TTBK2: variants seen among roughly 807,000 people sequenced by gnomAD.
The protein encoded by TTBK2 is tau-tubulin kinase 2.
TTBK2 carries 28 observed loss-of-function variants against 110.8 expected under a neutral mutation model. The observed-to-expected ratio is 0.25, with a 90% confidence interval of 0.19 to 0.35. The LOEUF (loss-of-function observed/expected upper bound fraction) is 0.35, where lower values mean the gene tolerates loss of function less well. Among genes scored for constraint, TTBK2 ranks in the 10% least tolerant of loss-of-function variants. The pLI is 1.00. For missense variants in TTBK2, 1,369 were observed against 1,500.3 expected (o/e 0.91, Z 1.45); for synonymous variants, 532 against 527.3 (o/e 1.01, Z -0.12).
chr15:42,860,176 T>C (rs547512426), intron 3 of TTBK2, among the ~76,000 whole-genome samples: 45 of 152,096 alleles, frequency 3.0e-4, no homozygotes, highest in African/African-American at 8.7e-4. Context: ...GGTAACTATA[T>C]GAATCAATGA....
intron 13 of TTBK2, among the ~76,000 whole-genome samples, chr15:42,762,987 T>A (rs1450170081): frequency 6.8e-6 from 1 of 146,542 alleles, no homozygotes; most frequent in Admixed American, 6.9e-5. Context: ...AACGGGGAGA[T>A]AGGGAAAGAT....
intron 3 of TTBK2, among the ~76,000 whole-genome samples, chr15:42,868,039 T>C (rs960647599): frequency 1.3e-5 from 2 of 152,282 alleles, no homozygotes; most frequent in African/African-American, 4.8e-5. Context: ...AAGCCAATAG[T>C]GTATGATTCT....
chr15:42,910,957 T>C lies in TTBK2; in HGVS notation c.-68+9481A>G, dbSNP rs542549746. ...TACTTGGGAGGCTGAAACAGGAGAA[T>C]TGCTTGAACCCAGGAGGCGGAGGAT... On this transcript the variant is annotated intron_variant, in intron 1 of 14. Coordinates refer to ENST00000267890, the MANE Select transcript of TTBK2 (RefSeq NM_173500.4). Among the ~76,000 whole-genome samples, 66 of 151,842 alleles carry C rather than the reference T, an allele frequency of 4.3e-4. No homozygotes were observed. In the South Asian group the frequency reaches 4.4e-3, roughly 10 times the overall value.
intron 1 of TTBK2, among the ~76,000 whole-genome samples, chr15:42,913,017 C>T (rs1441887826): frequency 2.0e-5 from 3 of 147,202 alleles, no homozygotes; most frequent in Non-Finnish European, 4.5e-5. Flanking sequence ...CCCAGCTACT[C>T]GGGAGGCTGA....
chr15:42,919,864 G>C, intron 1 of TTBK2: 1 of 978,650 alleles, frequency 1.0e-6, no homozygotes, highest in Non-Finnish European at 1.2e-6. Context: ...ACATATACGT[G>C]AGTCTTTTGT....
chr15:42,910,995 G>A (rs2030719023), intron 1 of TTBK2, among the ~76,000 whole-genome samples: 1 of 149,432 alleles, frequency 6.7e-6, no homozygotes, highest in Non-Finnish European at 1.5e-5. Context: ...AGTGAGCTGA[G>A]ATTGTGCCAT....
chr15:42,910,375 T>A (rs1235435882), intron 1 of TTBK2, among the ~76,000 whole-genome samples: 1 of 152,192 alleles, frequency 6.6e-6, no homozygotes, highest in Non-Finnish European at 1.5e-5. Context: ...GTCCTCCTAA[T>A]AGAGTACACA....
intron 2 of TTBK2, 59 bp downstream of exon 2, chr15:42,878,490 T>TAAAC: frequency 3.7e-6 from 5 of 1,343,930 alleles, no homozygotes; most frequent in Non-Finnish European, 4.9e-6. Flanking sequence ...CCCCGATATG[T>TAAAC]ATACACACAC....
chr15:42,777,345 G>T, intron 11 of TTBK2, 103 bp from the exon 12 acceptor site: 2 of 1,203,514 alleles, frequency 1.7e-6, no homozygotes, highest in Non-Finnish European at 1.2e-6. Flanking sequence ...GATTAGATGT[G>T]TTTTCAGATG....
rs145847910 is a variant in TTBK2, at chr15:42,855,400, T to G, written c.218-14967A>C. Among the ~76,000 whole-genome samples the G allele has an allele frequency of 3.5e-3, 527 of 152,314 alleles. 2 individuals carry two copies. The highest frequency in any genetic ancestry group is 0.012 in the African/African-American group (502 of 41,570). On this transcript the variant is annotated intron_variant, in intron 3 of 14. Coordinates refer to ENST00000267890, the MANE Select transcript of TTBK2 (RefSeq NM_173500.4). ...GAGTTACTAGGAGAAACAAGGCTCC[T>G]GATTCTGAATATGGCACAGAAAAAG... is the stretch of plus-strand genomic sequence containing the variant.
chr15:42,832,140 G>A (rs1032956843), intron 4 of TTBK2, among the ~76,000 whole-genome samples: 1 of 152,076 alleles, frequency 6.6e-6, no homozygotes, highest in African/African-American at 2.4e-5. Context: ...TGTAGCGAAC[G>A]TTAAATAAGT....
chr15:42,872,820 T>G (rs1002947604), intron 2 of TTBK2, 62 bp from the exon 3 acceptor site: 8 of 1,584,078 alleles, frequency 5.1e-6, no homozygotes, highest in African/African-American at 1.3e-5. Context: ...TTGAAAGCAA[T>G]TGATCTCTTA....
chr15:42,811,719 C>G lies in TTBK2; in HGVS notation c.665G>C (p.Gly222Ala). ...LFYMLVEFVV[G>A]QLPWRKIKDK... is the part of the protein sequence containing the mutation. ...CTTTATTTTTCTCCAGGGCAGCTGA[C>G]CAACCACAAACTCCACCAACATGTA... Residue 222 changes from glycine to alanine, a missense_variant, in exon 8 of 15, where the codon GGT (glycine) becomes GCT (alanine). Around this residue, in one of 4 missense-constraint regions of TTBK2, gnomAD observed 138 missense variants for 179.0 expected, o/e 0.77. Transcript: ENST00000267890. The G allele has an allele frequency of 6.2e-7, 1 of 1,613,648 alleles. No homozygotes were observed. The highest frequency in any genetic ancestry group is 1.7e-4 in the Middle Eastern group (1 of 6,058).
intron 14 of TTBK2, among the ~76,000 whole-genome samples, chr15:42,746,915 C>G (rs2061800829): frequency 6.6e-6 from 1 of 151,306 alleles, no homozygotes; most frequent in South Asian, 2.1e-4. Context: ...AGGGTGGAGG[C>G]TGGAACTGAC....
intron 3 of TTBK2, among the ~76,000 whole-genome samples, chr15:42,853,310 T>C (rs1893794772): frequency 6.6e-6 from 1 of 152,156 alleles, no homozygotes; most frequent in Non-Finnish European, 1.5e-5. Context: ...TTCCTCTTCA[T>C]GACCTATAAA....
At chr15:42,822,447 T>C (rs984655507) in intron 6 of TTBK2, among the ~76,000 whole-genome samples, 5 of 151,734 alleles carry the variant, frequency 3.3e-5, no homozygotes, top group Non-Finnish European at 7.4e-5. Flanking sequence ...AAAGAAAAAA[T>C]AAACCGGGCC....
At chr15:42,903,591 T>C (rs929129128) in intron 1 of TTBK2, among the ~76,000 whole-genome samples, 1 of 152,170 alleles carries the variant, frequency 6.6e-6, no homozygotes, top group African/African-American at 2.4e-5. Flanking sequence ...TACACTGAAA[T>C]AAATCTAAGA....
At chr15:42,788,760 G>A (rs1384706786) in intron 10 of TTBK2, among the ~76,000 whole-genome samples, 2 of 151,330 alleles carry the variant, frequency 1.3e-5, no homozygotes, top group Non-Finnish European at 2.9e-5. Context: ...CTTTTTTTAG[G>A]TGTGTGTCTC....
At position 42,740,491 on chromosome 15, in the gene TTBK2, G is replaced by A. The variant is rs1382782735; in HGVS notation, c.*5304C>T. ...AGCTTAAATATTTTTTTAAGTAGGA[G>A]CAGACAATCACAACTGAATTAGAAG... On this transcript the variant is annotated 3_prime_UTR_variant, in exon 15 of 15. Coordinates refer to ENST00000267890, the MANE Select transcript of TTBK2 (RefSeq NM_173500.4). 1 of 151,636 alleles carries A rather than the reference G, an allele frequency of 6.6e-6. No individual in the cohort carries two copies. The highest frequency in any genetic ancestry group is 1.9e-4 in the East Asian group (1 of 5,188). 9.4% of individuals were successfully genotyped at this position (151,636 alleles called of 1,614,324 possible).
Sources: gnomAD v4.1 joint callset for allele counts (sites outside exome capture counted in the v4.1 genomes callset) on GRCh38, gnomAD v4.1.1 for gene constraint, gnomAD v4.1.1 regional missense constraint, MANE v1.5 for transcripts, NCBI Gene and HGNC (gene_info 2026-07-23, HGNC 2026-07-21) for gene names.